The following CPAMD8 variants were observed in gnomAD, a reference collection of about 807,000 sequenced individuals.
CPAMD8 encodes the protein C3 and PZP-like alpha-2-macroglobulin domain-containing protein 8.
A neutral mutation model predicts 224.7 loss-of-function variants in CPAMD8; 146 were observed. That is an observed-to-expected ratio of 0.65 (90% confidence interval 0.57 to 0.75). The LOEUF (loss-of-function observed/expected upper bound fraction) is 0.75. CPAMD8 is among the 30% of genes least tolerant of loss of function. CPAMD8 has a pLI of 0.00. For missense variants in CPAMD8, 2,301 were observed against 2,537.5 expected, an observed-to-expected ratio of 0.91 and a Z score of 2.00; for synonymous variants, 966 against 1,044.6, an observed-to-expected ratio of 0.92 and a Z score of 1.45.
chr19:16,914,403 C>G, intron 29 of CPAMD8, 21 bp downstream of exon 29: 2 of 1,612,380 alleles, frequency 1.2e-6, no homozygotes, highest in Non-Finnish European at 1.7e-6. Flanking sequence ...CCGAGTCTCC[C>G]CAAACCCCTT....
rs1278251995 is a variant in CPAMD8, at chr19:16,984,112, T to A, written c.1396-3426A>T. Among the ~76,000 whole-genome samples the A allele has an allele frequency of 2.0e-5, 3 of 152,100 alleles. No homozygotes were observed. The East Asian group carries it at 5.8e-4, about 29-fold the overall frequency. ...ACCATTCAATGGGGAAAGCATAGTC[T>A]TTTTAACAAACAGTGCTGAGACAAC... On this transcript the variant is annotated intron_variant, in intron 13 of 41. Coordinates refer to ENST00000443236, the MANE Select transcript of CPAMD8 (RefSeq NM_015692.5).
At chr19:17,002,714 C>A (rs2056367749) in intron 8 of CPAMD8, among the ~76,000 whole-genome samples, 1 of 151,958 alleles carries the variant, frequency 6.6e-6, no homozygotes, top group South Asian at 2.1e-4. Context: ...AAGGGGCATC[C>A]CCAGGGTGAC....
chr19:16,973,447 C>A (rs1194024358), intron 17 of CPAMD8, among the ~76,000 whole-genome samples: 1 of 152,008 alleles, frequency 6.6e-6, no homozygotes, highest in Admixed American at 6.6e-5. Context: ...CCTCCCAGTT[C>A]CAGAGCTTCT....
At chr19:16,956,617 G>T (rs1398819845) in intron 19 of CPAMD8, among the ~76,000 whole-genome samples, 2 of 152,074 alleles carry the variant, frequency 1.3e-5, no homozygotes, top group Non-Finnish European at 2.9e-5. Flanking sequence ...ATCACTTGAG[G>T]CCAGGAGTTT....
chr19:16,937,024 C>T (rs2053708898), intron 23 of CPAMD8, among the ~76,000 whole-genome samples: 1 of 149,138 alleles, frequency 6.7e-6, no homozygotes, highest in African/African-American at 2.5e-5. Flanking sequence ...TCCTTTCCTT[C>T]CCTTCCTCTT....
intron 18 of CPAMD8, among the ~76,000 whole-genome samples, chr19:16,964,100 A>G (rs955429753): frequency 1.3e-5 from 2 of 152,226 alleles, no homozygotes; most frequent in African/African-American, 4.8e-5. Context: ...AAGATCTAAA[A>G]TCGACACCCT....
rs2052140807 is a variant in CPAMD8 at position 16,898,906 on chromosome 19, G to A, written c.4848+569C>T. ...TCTGCCTGGAATTTATTCTCCCAGT[G>A]TCTTATTTTTTTTTGTTTTTTTTTA... On this transcript the variant is annotated intron_variant, in intron 37 of 41. Coordinates refer to ENST00000443236, the MANE Select transcript of CPAMD8 (RefSeq NM_015692.5). The surrounding 1 kb of genome is among the most constrained non-coding windows in gnomAD (Gnocchi z 4.2). Among the ~76,000 whole-genome samples, 1 of 151,702 alleles carries A rather than the reference G, an allele frequency of 6.6e-6. No individual in the cohort carries two copies. The highest frequency in any genetic ancestry group is 6.6e-5 in the Admixed American group (1 of 15,224).
chr19:17,005,037 A>G (rs8112434), intron 7 of CPAMD8, among the ~76,000 whole-genome samples: 12,464 of 151,944 alleles, frequency 0.082, 587 homozygotes, highest in East Asian at 0.19. Flanking sequence ...CAGCCTCAGC[A>G]CTACTGACAT....
At chr19:16,998,801 C>T (rs1289209112) in intron 10 of CPAMD8, among the ~76,000 whole-genome samples, 1 of 152,198 alleles carries the variant, frequency 6.6e-6, no homozygotes, top group East Asian at 1.9e-4. Context: ...TAGTGTTACC[C>T]TCTGACCTAG....
intron 23 of CPAMD8, among the ~76,000 whole-genome samples, chr19:16,931,496 G>A (rs759334537): frequency 4.6e-5 from 7 of 152,132 alleles, no homozygotes; most frequent in African/African-American, 7.2e-5. Flanking sequence ...CTTGGGAGCC[G>A]GAGGGTCATC....
At chr19:16,923,041 T>G (rs2053233915) in intron 26 of CPAMD8, among the ~76,000 whole-genome samples, 1 of 151,994 alleles carries the variant, frequency 6.6e-6, no homozygotes. Flanking sequence ...TCCCCAGGCG[T>G]GGGGGCTGCT....
In CPAMD8 at chr19:16,898,699, C is replaced by T. The variant is rs1414047983; in HGVS notation, c.4849-705G>A. 6.6e-6 allele frequency among the ~76,000 whole-genome samples: 1 copy of T among 152,118 alleles called. No individual in the cohort carries two copies. Among genetic ancestry groups the T allele is most frequent in the African/African-American group, 2.4e-5 (1 of 41,414 alleles). ...CATTTCATGTCAATGGAATCATGTA[C>T]TCTGTGGCCTTTTGTGTCTGGCTTC... On this transcript the variant is annotated intron_variant, in intron 37 of 41. Coordinates refer to ENST00000443236, the MANE Select transcript of CPAMD8 (RefSeq NM_015692.5). This position sits in a 1 kb window ranked among gnomAD's most constrained non-coding sequence, Gnocchi z 4.2.
intron 10 of CPAMD8, among the ~76,000 whole-genome samples, chr19:16,999,925 G>C (rs372964355): frequency 6.6e-6 from 1 of 152,050 alleles, no homozygotes; most frequent in African/African-American, 2.4e-5. Context: ...TGATCCGCCC[G>C]CCTTGGCCTC....
intron 18 of CPAMD8, among the ~76,000 whole-genome samples, chr19:16,959,243 T>C (rs1487222621): frequency 1.3e-5 from 2 of 150,778 alleles, no homozygotes; most frequent in Non-Finnish European, 1.5e-5. Context: ...GTGCAATCTC[T>C]GCTCACTGCA....
At chr19:17,009,829 C>T (rs1342901914) in intron 5 of CPAMD8, among the ~76,000 whole-genome samples, 3 of 152,064 alleles carry the variant, frequency 2.0e-5, no homozygotes, top group Non-Finnish European at 2.9e-5. Flanking sequence ...ACCACTGGAC[C>T]CTGTTAATGT....
intron 13 of CPAMD8, among the ~76,000 whole-genome samples, chr19:16,988,605 A>G (rs1033056484): frequency 4.0e-5 from 6 of 151,560 alleles, no homozygotes; most frequent in Admixed American, 3.9e-4. Flanking sequence ...GTGAGACTCC[A>G]CCTCAAAAAC....
chr19:16,997,057 G>A (rs902522866), intron 11 of CPAMD8, 54 bp downstream of exon 11: 4 of 1,096,296 alleles, frequency 3.6e-6, no homozygotes, highest in Non-Finnish European at 5.6e-6. Context: ...GGCTAGTGGT[G>A]GTGGTTTCAC....
chr19:16,913,358 G>A lies in CPAMD8; in HGVS notation c.3861+1066C>T, dbSNP rs368768645. Among the ~76,000 whole-genome samples the A allele has an allele frequency of 5.9e-5, 9 of 152,208 alleles. No individual in the cohort carries two copies. The East Asian group carries it at 1.4e-3, about 23-fold the overall frequency. ...ATAATTAGGTTTAGACTGAGGTCAC[G>A]AGGATGGGGCCTCCAAAATAATAGG... is the stretch of plus-strand genomic sequence containing the variant. On this transcript the variant is annotated intron_variant, in intron 29 of 41. Coordinates refer to ENST00000443236, the MANE Select transcript of CPAMD8 (RefSeq NM_015692.5).
At chr19:16,918,206 G>C (rs1039378698) in intron 27 of CPAMD8, among the ~76,000 whole-genome samples, 1 of 152,070 alleles carries the variant, frequency 6.6e-6, no homozygotes, top group African/African-American at 2.4e-5. Flanking sequence ...TGTTGGCCAG[G>C]CTGGTCTCGA....
Sources: gnomAD v4.1 joint callset for allele counts (sites outside exome capture counted in the v4.1 genomes callset) on GRCh38, gnomAD v4.1.1 for gene constraint, Gnocchi (gnomAD v3.1) non-coding constraint, MANE v1.5 for transcripts, NCBI Gene and HGNC (gene_info 2026-07-23, HGNC 2026-07-21) for gene names.